Variants in COQ2 observed in about 807,000 individuals in gnomAD.
The protein encoded by COQ2 is 4-hydroxybenzoate polyprenyltransferase, mitochondrial.
In COQ2, 25 loss-of-function variants were observed where a neutral mutation model predicts 35.7. The observed-to-expected ratio is 0.70, with a 90% CI of 0.51 to 0.98. COQ2 has a LOEUF of 0.98. Among genes scored for constraint, COQ2 ranks in the 50% least tolerant of loss-of-function variants. The probability of loss-of-function intolerance (pLI) is 0.00; values close to 1 mark genes in which losing one functional copy is unlikely to be tolerated. For missense variants in COQ2, 488 were observed against 473.5 expected (o/e 1.03, Z -0.28); for synonymous variants, 206 against 186.2 (o/e 1.11, Z -0.86).
intron 2 of COQ2, 85 bp from the exon 3 acceptor site, chr4:83,273,702 T>C (rs1735101626): frequency 2.4e-6 from 3 of 1,263,874 alleles, no homozygotes; most frequent in South Asian, 1.4e-5. Context: ...TGGCCCATGG[T>C]AGGCACAAAT....
chr4:83,284,684 G>A lies in COQ2; in HGVS notation c.81C>T (p.Arg27=). The change falls in exon 1 of 7, where the codon CGC becomes CGT. Residue 27 remains arginine, a synonymous_variant. Transcript: ENST00000647002. ...CTGCCGCACGCGCCAGGGCGAAGGA[G>A]CGGCCCCGCCAGCCCGGCAGCCACG... ...ALAWLPGWRG[R]SFALARAAGA... is the part of the protein sequence containing the mutation. 1 of 1,470,696 alleles carries A rather than the reference G, an allele frequency of 6.8e-7. No individual in the cohort carries two copies. The highest frequency in any genetic ancestry group is 8.9e-7 in the Non-Finnish European group (1 of 1,117,330). The allele number at this position is 1,470,696 out of a possible 1,614,324, so 91.1% of individuals were successfully genotyped here.
chr4:83,264,617 G>T (rs1411462125), intron 6 of COQ2, among the ~76,000 whole-genome samples: 2 of 151,920 alleles, frequency 1.3e-5, no homozygotes, highest in Non-Finnish European at 2.9e-5. Context: ...CCTAGCCTGG[G>T]TGAGAGAGTG....
At chr4:83,283,445 C>T (rs1735376469) in intron 1 of COQ2, 2 of 985,448 alleles carry the variant, frequency 2.0e-6, no homozygotes, top group Non-Finnish European at 2.4e-6. Context: ...TCTAACACTC[C>T]ACCCTTGGGT....
intron 4 of COQ2, among the ~76,000 whole-genome samples, chr4:83,270,298 G>A (rs1343751493): frequency 1.3e-5 from 2 of 152,068 alleles, no homozygotes. Context: ...ACCTAATATG[G>A]TGCACGGCAC....
chr4:83,283,487 C>T, intron 1 of COQ2: 1 of 985,494 alleles, frequency 1.0e-6, no homozygotes, highest in Non-Finnish European at 1.2e-6. Flanking sequence ...ACTAAGATCT[C>T]TTCCCTCCTC....
Position 83,284,725 on chromosome 4 carries a change from G to C in COQ2, c.40C>G (p.Arg14Gly). Residue 14 changes from arginine to glycine, a missense_variant, in exon 1 of 7, where the codon CGG becomes GGG. Transcript: ENST00000647002. ...SRAAGFARGL[R>G]AVALAWLPGW... Reference sequence around the variant, plus strand: ...GGCAGCCACGCCAGTGCCACAGCCCGCAGGCCCCGCGCGAACCCCGCGGCT... The same window carrying C: ...GGCAGCCACGCCAGTGCCACAGCCCCCAGGCCCCGCGCGAACCCCGCGGCT... The C allele has an allele frequency of 6.6e-7, 1 of 1,514,256 alleles. No individual in the cohort carries two copies. The highest frequency in any genetic ancestry group is 8.8e-7 in the Non-Finnish European group (1 of 1,136,714). The allele number at this position is 1,514,256 out of a possible 1,614,324, so 93.8% of individuals were successfully genotyped here. A position where few individuals can be genotyped will look rare whatever the true frequency, so the allele number is the denominator to read the frequency against.
rs757004000 is a variant in COQ2, at chr4:83,264,048, T to C, written c.*151A>G. 240 of 561,246 alleles carry C rather than the reference T, an allele frequency of 4.3e-4. No homozygotes were observed. The highest frequency in any genetic ancestry group is 5.6e-4 in the Non-Finnish European group (193 of 346,270). 34.8% of individuals were successfully genotyped at this position (561,246 alleles called of 1,614,324 possible). A position where few individuals can be genotyped will look rare whatever the true frequency, so the allele number is the denominator to read the frequency against. ...CTGGTTTCTGTGACAAGGGGGAATT[T>C]TGCTAGCAAATAAGTAAAATCCAGG... On this transcript the variant is annotated 3_prime_UTR_variant, in exon 7 of 7. Transcript: ENST00000647002.
chr4:83,270,418 T>C (rs937288596), intron 4 of COQ2, among the ~76,000 whole-genome samples: 2 of 152,060 alleles, frequency 1.3e-5, no homozygotes, highest in African/African-American at 4.8e-5. Flanking sequence ...AACATGAATA[T>C]ACATACGAAC....
rs549493176 is a variant in COQ2 at position 83,284,546 on chromosome 4, C to A, written c.219G>T (p.Pro73=). 1.7e-5 allele frequency: 26 copies of A among 1,573,966 alleles called. No individual in the cohort carries two copies. The East Asian group carries it at 5.2e-4, about 32-fold the overall frequency. The change falls in exon 1 of 7, where the codon CCG becomes CCT. Residue 73 remains proline, a synonymous_variant. Transcript: ENST00000647002. The stretch of plus-strand genomic sequence containing the variant: ...TGTCCAACCGCATGAGGCGCAAGTA[C>A]GGCTGCAGGGGGCGGGGCGCAGAGT... ...VVDSAPRPLQ[P]YLRLMRLDKP... is the part of the protein sequence containing the mutation.
intron 6 of COQ2, among the ~76,000 whole-genome samples, chr4:83,266,266 C>A (rs1734916164): frequency 6.6e-6 from 1 of 152,130 alleles, no homozygotes; most frequent in South Asian, 2.1e-4. Flanking sequence ...TCCTTCATAC[C>A]ATGTTATGTG....
chr4:83,278,263 T>C (rs1577990072), intron 2 of COQ2, among the ~76,000 whole-genome samples: 1 of 152,298 alleles, frequency 6.6e-6, no homozygotes, highest in Middle Eastern at 3.4e-3. Flanking sequence ...AGATGGCCCC[T>C]TTCCTTGAGA....
chr4:83,272,202 T>C (rs1735066001), intron 3 of COQ2, 30 bp from the exon 4 acceptor site: 2 of 1,441,818 alleles, frequency 1.4e-6, no homozygotes, highest in South Asian at 2.5e-5. Context: ...TTAAAGTGAT[T>C]ATTACCACTA....
In COQ2 at chr4:83,284,525, C is replaced by T; in HGVS notation, c.240G>A (p.Leu80=). Residue 80 remains leucine (L), a synonymous_variant, in exon 1 of 7, where the codon TTG becomes TTA. Coordinates refer to ENST00000647002, the MANE Select transcript of COQ2 (RefSeq NM_001358921.2). ...GCCCGCACTCACCAATGGGCTTGTC[C>T]AACCGCATGAGGCGCAAGTACGGCT... ...PLQPYLRLMR[L]DKPIGTWLLY... is the part of the protein sequence containing the mutation. 6.3e-7 allele frequency: 1 copy of T among 1,575,044 alleles called. No individual in the cohort carries two copies.
chr4:83,283,466 G>A, intron 1 of COQ2: 4 of 985,418 alleles, frequency 4.1e-6, no homozygotes, highest in Non-Finnish European at 4.8e-6. Flanking sequence ...CTTTGCAAAA[G>A]TACTTCCCGC....
Position 83,284,783 on chromosome 4 carries a change from A to C in COQ2, c.-19T>G. ...CCAGCATGGCGCTGGTGAGGCCGGG[A>C]CGAGCTCGGATTGACGTCATTCCCC... On this transcript the variant is annotated 5_prime_UTR_variant, in exon 1 of 7. Coordinates refer to ENST00000647002, the MANE Select transcript of COQ2 (RefSeq NM_001358921.2). 2 of 1,564,036 alleles carry C rather than the reference A, an allele frequency of 1.3e-6. No individual in the cohort carries two copies. Among genetic ancestry groups the C allele is most frequent in the Non-Finnish European group, 1.7e-6 (2 of 1,162,174 alleles).
chr4:83,284,451 C>T (rs936800256), intron 1 of COQ2, 61 bp downstream of exon 1: 5 of 1,505,488 alleles, frequency 3.3e-6, no homozygotes, highest in Non-Finnish European at 4.4e-6. Context: ...GACAGCTCCG[C>T]GGAGCCGACT....
At chr4:83,268,424 A>T (rs1318842226) in intron 5 of COQ2, among the ~76,000 whole-genome samples, 3 of 152,220 alleles carry the variant, frequency 2.0e-5, no homozygotes, top group Non-Finnish European at 2.9e-5. Flanking sequence ...ATGGTCACGT[A>T]GTATCAGTGG....
chr4:83,284,497 C>G lies in COQ2; in HGVS notation c.253+15G>C. On this transcript the variant is annotated intron_variant, in intron 1 of 6. Transcript: ENST00000647002. ...TACTTGCAAATTCCCGGGCTGCCCG[C>G]CCGCCCGCACTCACCAATGGGCTTG... 6.4e-7 allele frequency: 1 copy of G among 1,556,522 alleles called. No homozygotes were observed. The highest frequency in any genetic ancestry group is 1.4e-5 in the African/African-American group (1 of 71,904).
intron 1 of COQ2, among the ~76,000 whole-genome samples, chr4:83,280,634 G>C (rs1205099470): frequency 3.9e-5 from 6 of 152,188 alleles, no homozygotes; most frequent in Non-Finnish European, 4.4e-5. Context: ...ACAAGCACAG[G>C]GTCCTGCAAA....
Sources: gnomAD v4.1 joint callset for allele counts (sites outside exome capture counted in the v4.1 genomes callset) on GRCh38, gnomAD v4.1.1 for gene constraint, MANE v1.5 for transcripts, NCBI Gene and HGNC (gene_info 2026-07-23, HGNC 2026-07-21) for gene names.